FBXO40: variants seen among roughly 807,000 people sequenced by gnomAD.
FBXO40 encodes the protein F-box protein 40.
Under a neutral mutation model 49.9 loss-of-function variants are expected in FBXO40, and 50 were observed. The ratio of observed to expected loss-of-function variants is 1.00; its 90% CI spans 0.80 to 1.27. The LOEUF (loss-of-function observed/expected upper bound fraction) is 1.27. Ranked by LOEUF, FBXO40 falls within the 50% of genes most tolerant of loss-of-function variation. FBXO40 has a pLI of 0.00. For missense variants in FBXO40, 895 were observed against 870.1 expected (o/e 1.03, Z -0.36); for synonymous variants, 340 against 320.2 (o/e 1.06, Z -0.66).
chr3:121,623,706 GAGA>G (rs2049046989), intron 3 of FBXO40, among the ~76,000 whole-genome samples: 1 of 40,876 alleles, frequency 2.4e-5, no homozygotes, highest in Non-Finnish European at 5.1e-5. Flanking sequence ...TTTTTTTTTT[GAGA>G]AGGAGTTTCA....
intron 1 of FBXO40, among the ~76,000 whole-genome samples, chr3:121,596,124 G>C (rs532353320): frequency 6.6e-6 from 1 of 152,114 alleles, no homozygotes; most frequent in Non-Finnish European, 1.5e-5. Flanking sequence ...CCTGCTATAC[G>C]TGTTAGCATG....
chr3:121,622,842 C>T lies in FBXO40; in HGVS notation c.1413C>T (p.Ser471=), dbSNP rs768264149. Residue 471 remains serine, a synonymous_variant, in exon 3 of 4, where the codon AGC becomes AGT. Transcript: ENST00000338040. ...GTGTGACCAGGAGACACAACAAAAG[C>T]AGCTCTGCCTTCACTTTCACTTGCA... The part of the protein sequence containing the change: ...SECVTRRHNK[S]SSAFTFTCNK... 1.9e-6 allele frequency: 3 copies of T among 1,614,234 alleles called. No homozygotes were observed. Among genetic ancestry groups the T allele is most frequent in the Non-Finnish European group, 2.5e-6 (3 of 1,180,046 alleles).
rs752424663 is a variant in FBXO40 at position 121,623,230 on chromosome 3, G to C, written c.1801G>C (p.Val601Leu). Reference protein sequence around the residue: ...VSLAQLSQVSVLMRNICATLL... With the variant: ...VSLAQLSQVSLLMRNICATLL... ...CCTGGCCCAGCTCTCCCAGGTGTCTGTGCTGATGAGGAATATCTGTGCCAC... is the reference window on the plus strand; with the variant it reads ...CCTGGCCCAGCTCTCCCAGGTGTCTCTGCTGATGAGGAATATCTGTGCCAC... The change falls in exon 3 of 4, where the codon GTG (valine) becomes CTG (leucine). Residue 601 changes from valine to leucine, a missense_variant. By Grantham distance (32) the Val-to-Leu change is conservative. Transcript: ENST00000338040. The C allele has an allele frequency of 1.2e-6, 2 of 1,614,220 alleles. No homozygotes were observed. Among genetic ancestry groups the C allele is most frequent in the Non-Finnish European group, 1.7e-6 (2 of 1,180,046 alleles).
chr3:121,618,741 GTA>G (rs1462705201), intron 1 of FBXO40, among the ~76,000 whole-genome samples: 1 of 151,676 alleles, frequency 6.6e-6, no homozygotes, highest in African/African-American at 2.4e-5. Context: ...GTGTGTGTGT[GTA>G]TGTGTGTGTG....
rs374431438 is a variant in FBXO40 at position 121,622,981 on chromosome 3, T to G, written c.1552T>G (p.Cys518Gly). 5.6e-6 allele frequency: 9 copies of G among 1,614,198 alleles called. No individual in the cohort carries two copies. Among genetic ancestry groups the G allele is most frequent in the Non-Finnish European group, 7.6e-6 (9 of 1,180,042 alleles). Residue 518 changes from cysteine (C) to glycine (G), a missense_variant, in exon 3 of 4, where the codon TGT becomes GGT. Physicochemically the swap from Cys to Gly is radical, Grantham distance 159. Transcript: ENST00000338040. ...QHRCPLAYLG[C>G]TFVQNHFRPP... ...TCGATGCCCCCTCGCCTACTTGGGA[T>G]GTACATTTGTTCAAAACCATTTCCG...
At chr3:121,607,366 G>C (rs1288675629) in intron 1 of FBXO40, among the ~76,000 whole-genome samples, 1 of 121,840 alleles carries the variant, frequency 8.2e-6, no homozygotes, top group Non-Finnish European at 1.6e-5. Flanking sequence ...CTGGAGTGCA[G>C]TGGCACGATC....
At chr3:121,608,198 G>T (rs1406533073) in intron 1 of FBXO40, among the ~76,000 whole-genome samples, 1 of 152,198 alleles carries the variant, frequency 6.6e-6, no homozygotes, top group Non-Finnish European at 1.5e-5. Flanking sequence ...ATGAATTACA[G>T]CCATTTCTTT....
intron 1 of FBXO40, among the ~76,000 whole-genome samples, chr3:121,607,718 A>G (rs544284396): frequency 3.9e-5 from 6 of 152,300 alleles, no homozygotes; most frequent in African/African-American, 1.4e-4. Context: ...AGGCATTTAA[A>G]TAAAGTCTAG....
In FBXO40 at chr3:121,622,036, C is replaced by G. The variant is rs1168606426; in HGVS notation, c.607C>G (p.Leu203Val). 1.2e-6 allele frequency: 2 copies of G among 1,614,190 alleles called. No individual in the cohort carries two copies. The highest frequency in any genetic ancestry group is 1.1e-5 in the South Asian group (1 of 91,078). Residue 203 changes from leucine to valine, a missense_variant, in exon 3 of 4, where the codon CTA becomes GTA. Physicochemically the swap from Leu to Val is conservative, Grantham distance 32. Transcript: ENST00000338040. ...GCTAAGTCAAGAAGAACGGGAGGTG[C>G]TAGCCAAAACCAAAGAAGGGATGGA... ...AELSQEEREVLAKTKEGMDLV... is the reference protein window; with the variant it reads ...AELSQEEREVVAKTKEGMDLV...
intron 1 of FBXO40, among the ~76,000 whole-genome samples, chr3:121,596,710 C>T (rs1374175292): frequency 6.6e-6 from 1 of 152,070 alleles, no homozygotes; most frequent in Non-Finnish European, 1.5e-5. Flanking sequence ...AAATCCAGCC[C>T]ACTGAGGTCT....
In FBXO40 at chr3:121,622,815, G is replaced by A. The variant is rs2049041062; in HGVS notation, c.1386G>A (p.Glu462=). 1.9e-6 allele frequency: 3 copies of A among 1,614,230 alleles called. No individual in the cohort carries two copies. The highest frequency in any genetic ancestry group is 2.5e-6 in the Non-Finnish European group (3 of 1,180,034). ...PGGLHVELHS[E]CVTRRHNKSS... is the part of the protein sequence containing the mutation. ...GACTCCACGTGGAGCTCCACAGCGA[G>A]TGTGTGACCAGGAGACACAACAAAA... is the stretch of plus-strand genomic sequence containing the variant. The change falls in exon 3 of 4, where the codon GAG becomes GAA. Residue 462 remains glutamate, a synonymous_variant. Transcript: ENST00000338040.
intron 1 of FBXO40, among the ~76,000 whole-genome samples, chr3:121,617,604 C>T (rs1385135095): frequency 6.6e-6 from 1 of 151,714 alleles, no homozygotes; most frequent in African/African-American, 2.4e-5. Flanking sequence ...CAAAAAACAA[C>T]AACAAAATTT....
Position 121,622,406 on chromosome 3 carries a change from C to T in FBXO40, c.977C>T (p.Ala326Val), listed in dbSNP as rs1342332396. ...RMLIHFGQMPACTPKERDFVY... is the reference protein window; with the variant it reads ...RMLIHFGQMPVCTPKERDFVY... Reference sequence around the variant, plus strand: ...CTGATACACTTTGGTCAGATGCCTGCTTGTACACCCAAGGAGAGAGACTTT... The same window carrying T: ...CTGATACACTTTGGTCAGATGCCTGTTTGTACACCCAAGGAGAGAGACTTT... The change falls in exon 3 of 4, where the codon GCT becomes GTT. Residue 326 changes from alanine to valine, a missense_variant. Coordinates refer to ENST00000338040, the MANE Select transcript of FBXO40 (RefSeq NM_016298.4). 6.2e-7 allele frequency: 1 copy of T among 1,614,204 alleles called. No homozygotes were observed. Among genetic ancestry groups the T allele is most frequent in the South Asian group, 1.1e-5 (1 of 91,082 alleles).
At chr3:121,611,714 C>T (rs2048966664) in intron 1 of FBXO40, among the ~76,000 whole-genome samples, 2 of 152,242 alleles carry the variant, frequency 1.3e-5, no homozygotes, top group South Asian at 4.1e-4. Context: ...TCCCACGAGG[C>T]CATATTTCAG....
At chr3:121,603,050 T>C (rs2048909500) in intron 1 of FBXO40, among the ~76,000 whole-genome samples, 1 of 152,254 alleles carries the variant, frequency 6.6e-6, no homozygotes, top group Non-Finnish European at 1.5e-5. Context: ...AAGGGCCTTC[T>C]TGGGTCACAG....
chr3:121,619,819 A>G (rs1198129499), intron 1 of FBXO40, among the ~76,000 whole-genome samples: 1 of 152,200 alleles, frequency 6.6e-6, no homozygotes, highest in African/African-American at 2.4e-5. Context: ...CTGCCTTCTA[A>G]CCACTAAACC....
In FBXO40 at chr3:121,628,189, G is replaced by C. The variant is rs1426844606; in HGVS notation, c.*1279G>C. 2 of 269,268 alleles carry C rather than the reference G, an allele frequency of 7.4e-6. No homozygotes were observed. Among genetic ancestry groups the C allele is most frequent in the Non-Finnish European group, 1.4e-5 (2 of 145,392 alleles). 16.7% of individuals were successfully genotyped at this position (269,268 alleles called of 1,614,324 possible). ...TAATTCTTTTTTTTTTTTTCTAGGT[G>C]GGGAGGGGATGGAGTTCACTCTTGT... On this transcript the variant is annotated 3_prime_UTR_variant, in exon 4 of 4. Transcript: ENST00000338040.
At chr3:121,620,481 C>T (rs1576455127) in intron 1 of FBXO40, 65 bp from the exon 2 acceptor site, 2 of 1,435,038 alleles carry the variant, frequency 1.4e-6, no homozygotes, top group Admixed American at 3.4e-5. Flanking sequence ...TCTCTTTAGC[C>T]TCTATTAATA....
At chr3:121,615,681 G>A (rs888048131) in intron 1 of FBXO40, among the ~76,000 whole-genome samples, 7 of 152,146 alleles carry the variant, frequency 4.6e-5, no homozygotes, top group African/African-American at 7.2e-5. Context: ...CAGTGTTATT[G>A]AACACCATCA....
Sources: gnomAD v4.1 joint callset for allele counts (sites outside exome capture counted in the v4.1 genomes callset) on GRCh38, gnomAD v4.1.1 for gene constraint, MANE v1.5 for transcripts, NCBI Gene and HGNC (gene_info 2026-07-23, HGNC 2026-07-21) for gene names.